Variants in PTPN23 observed in about 807,000 individuals in gnomAD.
PTPN23 encodes protein tyrosine phosphatase non-receptor type 23, also known as tyrosine-protein phosphatase non-receptor type 23.
PTPN23 carries 72 observed loss-of-function variants against 156.3 expected under a neutral mutation model. That is an observed-to-expected ratio of 0.46 (90% CI 0.38 to 0.56). The LOEUF is 0.56. PTPN23 is among the 20% of genes least tolerant of loss of function. The pLI is 0.00. For synonymous variants in PTPN23, 957 were observed against 899.6 expected (o/e 1.06, Z -1.14); for missense variants, 1,974 against 2,171.5 (o/e 0.91, Z 1.81).
chr3:47,392,044 C>T (rs987089049), intron 1 of PTPN23, among the ~76,000 whole-genome samples: 9 of 152,154 alleles, frequency 5.9e-5, no homozygotes, highest in African/African-American at 1.7e-4. Flanking sequence ...CACCACCACA[C>T]GTGGCTAATT....
Position 47,411,696 on chromosome 3 carries a change from G to A in PTPN23, c.3888+10G>A. The A allele has an allele frequency of 2.5e-6, 4 of 1,599,806 alleles. No individual in the cohort carries two copies. Among genetic ancestry groups the A allele is most frequent in the Non-Finnish European group, 3.4e-6 (4 of 1,170,242 alleles). On this transcript the variant is annotated intron_variant, in intron 20 of 24. Transcript: ENST00000265562. This position sits in a 1 kb window ranked among gnomAD's most constrained non-coding sequence, Gnocchi z 6.3. Reference sequence around the variant, plus strand: ...GGCTGAGATGGAGAAGGTGAGAAGAGGGGGTGGGTGCCCACGAGGGCAGTG... The same window carrying A: ...GGCTGAGATGGAGAAGGTGAGAAGAAGGGGTGGGTGCCCACGAGGGCAGTG...
Position 47,412,578 on chromosome 3 carries a change from G to A in PTPN23, c.4382G>A (p.Gly1461Asp). The stretch of plus-strand genomic sequence containing the variant: ...GTGGAGCAGGTCCTGCAGCGCCATG[G>A]TGTGCCTCCTCCATGCAAACCCTTG... ...RHVEQVLQRHGVPPPCKPLAS... is the reference protein window; with the variant it reads ...RHVEQVLQRHDVPPPCKPLAS... Residue 1461 changes from glycine to aspartate, a missense_variant, in exon 24 of 25, where the codon GGT (glycine) becomes GAT (aspartate). Physicochemically the swap from Gly to Asp is moderately conservative, Grantham distance 94. Around this residue, in one of 4 missense-constraint regions of PTPN23, gnomAD observed 484 missense variants for 516.0 expected, o/e 0.94. Coordinates refer to ENST00000265562, the MANE Select transcript of PTPN23 (RefSeq NM_015466.4). The A allele has an allele frequency of 6.2e-7, 1 of 1,613,720 alleles. No homozygotes were observed. The highest frequency in any genetic ancestry group is 8.5e-7 in the Non-Finnish European group (1 of 1,179,994).
At chr3:47,401,800 C>T (rs1704999569) in intron 2 of PTPN23, among the ~76,000 whole-genome samples, 1 of 152,184 alleles carries the variant, frequency 6.6e-6, no homozygotes, top group Non-Finnish European at 1.5e-5. Context: ...AGCCTCACTA[C>T]CAGGGAGATT....
intron 2 of PTPN23, among the ~76,000 whole-genome samples, chr3:47,404,345 T>C (rs748729627): frequency 3.3e-5 from 5 of 151,458 alleles, no homozygotes; most frequent in African/African-American, 9.7e-5. Flanking sequence ...GGCAGGAGAA[T>C]TGCTTGAACC....
In PTPN23 at chr3:47,409,784, G is replaced by A. The variant is rs1352095560; in HGVS notation, c.2079G>A (p.Thr693=). 22 of 1,608,230 alleles carry A rather than the reference G, an allele frequency of 1.4e-5. No homozygotes were observed. The highest frequency in any genetic ancestry group is 4.5e-5 in the East Asian group (2 of 44,812). ...AGGTGGCTGCTCTGCTGGAGCGCAC[G>A]CAGTCCACCTGCCAGGCCCGCGAGG... ...ESKVAALLER[T]QSTCQAREAA... The change falls in exon 19 of 25, where the codon ACG becomes ACA. Residue 693 remains threonine (T), a synonymous_variant. Transcript: ENST00000265562.
rs754806864 is a variant in PTPN23 at position 47,405,105 on chromosome 3, C to T, written c.364+24C>T. ...TGGTGAGCTGCCTGATCCCTTCCCCCGGCCCTACTCCCCAGTCCTGCCAGC... is the reference window on the plus strand; with the variant it reads ...TGGTGAGCTGCCTGATCCCTTCCCCTGGCCCTACTCCCCAGTCCTGCCAGC... On this transcript the variant is annotated intron_variant, in intron 4 of 24. Transcript: ENST00000265562. The surrounding 1 kb of genome is among the most constrained non-coding windows in gnomAD (Gnocchi z 4.7). 75 of 1,608,124 alleles carry T rather than the reference C, an allele frequency of 4.7e-5. No homozygotes were observed. The highest frequency in any genetic ancestry group is 1.7e-4 in the Middle Eastern group (1 of 5,972).
Position 47,405,242 on chromosome 3 carries a change from T to C in PTPN23, c.364+161T>C. On this transcript the variant is annotated intron_variant, in intron 4 of 24. Coordinates refer to ENST00000265562, the MANE Select transcript of PTPN23 (RefSeq NM_015466.4). The surrounding 1 kb of genome is among the most constrained non-coding windows in gnomAD (Gnocchi z 4.7). Reference sequence around the variant, plus strand: ...CACAGCCCTGCCAGCTCCTCCACTGTTTTCTGGGCTGGGCCCGTGGGGAGC... The same window carrying C: ...CACAGCCCTGCCAGCTCCTCCACTGCTTTCTGGGCTGGGCCCGTGGGGAGC... 7.3e-6 allele frequency: 5 copies of C among 680,588 alleles called. No individual in the cohort carries two copies. The South Asian group carries it at 8.9e-5, about 12-fold the overall frequency. 42.2% of individuals were successfully genotyped at this position (680,588 alleles called of 1,614,324 possible).
Position 47,407,891 on chromosome 3 carries a change from G to A in PTPN23, c.1120G>A (p.Glu374Lys). The A allele has an allele frequency of 6.2e-7, 1 of 1,614,190 alleles. No homozygotes were observed. Among genetic ancestry groups the A allele is most frequent in the Non-Finnish European group, 8.5e-7 (1 of 1,180,032 alleles). The change falls in exon 14 of 25, where the codon GAG becomes AAG. Residue 374 changes from glutamate to lysine, a missense_variant and splice_region_variant. Around this residue, in one of 4 missense-constraint regions of PTPN23, gnomAD observed 726 missense variants for 929.5 expected, o/e 0.78. Coordinates refer to ENST00000265562, the MANE Select transcript of PTPN23 (RefSeq NM_015466.4). This position sits in a 1 kb window ranked among gnomAD's most constrained non-coding sequence, Gnocchi z 4.0. ...AAHEASSLYS[E>K]EKAKLLREMM... is the part of the protein sequence containing the mutation. The stretch of plus-strand genomic sequence containing the variant: ...GCAAATGCTCTGTCGCTTCTGCAGT[G>A]AGGAGAAGGCCAAGCTGCTCCGGGA...
chr3:47,410,040 C>T lies in PTPN23; in HGVS notation c.2242C>T (p.Leu748Phe), dbSNP rs1330364713. The change falls in exon 20 of 25, where the codon CTC becomes TTC. Residue 748 changes from leucine to phenylalanine, a missense_variant. Leu to Phe is a conservative substitution (Grantham distance 22). Coordinates refer to ENST00000265562, the MANE Select transcript of PTPN23 (RefSeq NM_015466.4). ...AGDPPEELRSLPPDMVAGPRL... is the reference protein window; with the variant it reads ...AGDPPEELRSFPPDMVAGPRL... ...AGACCCCCCTGAGGAGCTGCGCAGC[C>T]TCCCCCCTGACATGGTGGCTGGCCC... The T allele has an allele frequency of 2.5e-6, 4 of 1,611,364 alleles. No individual in the cohort carries two copies. Among genetic ancestry groups the T allele is most frequent in the East Asian group, 2.2e-5 (1 of 44,846 alleles).
Position 47,406,434 on chromosome 3 carries a change from A to T in PTPN23, c.627+29A>T. On this transcript the variant is annotated intron_variant, in intron 7 of 24. Coordinates refer to ENST00000265562, the MANE Select transcript of PTPN23 (RefSeq NM_015466.4). This position sits in a 1 kb window ranked among gnomAD's most constrained non-coding sequence, Gnocchi z 5.8. Reference sequence around the variant, plus strand: ...GGGACGGGGCTGAGGGGAGGCCTTCACTTTACTGCTGACTCCCCCACTCAT... The same window carrying T: ...GGGACGGGGCTGAGGGGAGGCCTTCTCTTTACTGCTGACTCCCCCACTCAT... 1 of 1,613,764 alleles carries T rather than the reference A, an allele frequency of 6.2e-7. No individual in the cohort carries two copies. Among genetic ancestry groups the T allele is most frequent in the Non-Finnish European group, 8.5e-7 (1 of 1,179,962 alleles).
rs531850781 is a variant in PTPN23 at position 47,400,861 on chromosome 3, A to G, written c.160-3791A>G. Among the ~76,000 whole-genome samples, 3 of 152,248 alleles carry G rather than the reference A, an allele frequency of 2.0e-5. No homozygotes were observed. In the South Asian group the frequency reaches 6.2e-4, roughly 32 times the overall value. On this transcript the variant is annotated intron_variant, in intron 2 of 24. Coordinates refer to ENST00000265562, the MANE Select transcript of PTPN23 (RefSeq NM_015466.4). Reference sequence around the variant, plus strand: ...AGTGCTGGGATTATAGGTGTGAGCCACAGCACCCGGCTTTTATTTTATTTT... The same window carrying G: ...AGTGCTGGGATTATAGGTGTGAGCCGCAGCACCCGGCTTTTATTTTATTTT...
rs750754516 is a variant in PTPN23, at chr3:47,410,499, C to T, written c.2701C>T (p.Pro901Ser). ...IPSHTAPRPNPTPAPPPPCFP... is the reference protein window; with the variant it reads ...IPSHTAPRPNSTPAPPPPCFP... ...CAGCCACACAGCCCCACGGCCAAAC[C>T]CCACCCCTGCTCCTCCCCCGCCCTG... is the stretch of plus-strand genomic sequence containing the variant. Residue 901 changes from proline to serine, a missense_variant, in exon 20 of 25, where the codon CCC (proline) becomes TCC (serine). By Grantham distance (74) the Pro-to-Ser change is moderately conservative. Around this residue, in one of 4 missense-constraint regions of PTPN23, gnomAD observed 731 missense variants for 669.1 expected, o/e 1.09. Coordinates refer to ENST00000265562, the MANE Select transcript of PTPN23 (RefSeq NM_015466.4). 4 of 1,606,208 alleles carry T rather than the reference C, an allele frequency of 2.5e-6. No individual in the cohort carries two copies. In the East Asian group the frequency reaches 9.0e-5, roughly 36 times the overall value.
chr3:47,410,175 C>T lies in PTPN23; in HGVS notation c.2377C>T (p.Pro793Ser), dbSNP rs2107721975. ...CCACTATCTCTCAGGCCCCTTGCCC[C>T]CTGGTACCTACTCGGGCCCCACCCA... ...GPHYLSGPLP[P>S]GTYSGPTQLI... The change falls in exon 20 of 25, where the codon CCT becomes TCT. Residue 793 changes from proline (P) to serine (S), a missense_variant. Pro to Ser is a moderately conservative substitution (Grantham distance 74). This residue lies in a region of PTPN23 where 731 missense variants were observed against 669.1 expected (regional missense o/e 1.09). Transcript: ENST00000265562. 1.3e-6 allele frequency: 2 copies of T among 1,599,022 alleles called. No individual in the cohort carries two copies. Among genetic ancestry groups the T allele is most frequent in the Non-Finnish European group, 8.5e-7 (1 of 1,171,940 alleles).
intron 1 of PTPN23, among the ~76,000 whole-genome samples, chr3:47,384,435 G>A (rs1704612950): frequency 8.3e-6 from 1 of 120,766 alleles, no homozygotes; most frequent in Non-Finnish European, 1.6e-5. Flanking sequence ...TCCAGCCTGG[G>A]TGATAGAGCG....
At position 47,408,396 on chromosome 3, in the gene PTPN23, T is replaced by C. The variant is rs1352668951; in HGVS notation, c.1236T>C (p.Asp412=). Reference sequence around the variant, plus strand: ...ATCCCGAGACGGTGGACAACCTTGATGCCTACAGCCACATCCCACCCCAGC... The same window carrying C: ...ATCCCGAGACGGTGGACAACCTTGACGCCTACAGCCACATCCCACCCCAGC... ...QLDPETVDNL[D]AYSHIPPQLM... is the part of the protein sequence containing the mutation. Residue 412 remains aspartate, a synonymous_variant, in exon 15 of 25, where the codon GAT becomes GAC. Coordinates refer to ENST00000265562, the MANE Select transcript of PTPN23 (RefSeq NM_015466.4). 5.6e-6 allele frequency: 9 copies of C among 1,613,974 alleles called. No homozygotes were observed. The highest frequency in any genetic ancestry group is 5.3e-5 in the African/African-American group (4 of 74,904).
chr3:47,390,460 G>A (rs1704750601), intron 1 of PTPN23, among the ~76,000 whole-genome samples: 1 of 152,146 alleles, frequency 6.6e-6, no homozygotes, highest in Admixed American at 6.5e-5. Context: ...TCTTCTTCCT[G>A]TTAGTTGTGT....
chr3:47,407,215 G>C lies in PTPN23; in HGVS notation c.864+29G>C, dbSNP rs1705148194. Reference sequence around the variant, plus strand: ...AAGCTGAGGAAGGCCTGGCTGCCCTGAGGGTATAGGAGCAAGCCCGGTAGG... The same window carrying C: ...AAGCTGAGGAAGGCCTGGCTGCCCTCAGGGTATAGGAGCAAGCCCGGTAGG... On this transcript the variant is annotated intron_variant, in intron 10 of 24. Transcript: ENST00000265562. This position sits in a 1 kb window ranked among gnomAD's most constrained non-coding sequence, Gnocchi z 4.0. The C allele has an allele frequency of 6.2e-7, 1 of 1,613,876 alleles. No homozygotes were observed. Among genetic ancestry groups the C allele is most frequent in the African/African-American group, 1.3e-5 (1 of 74,888 alleles).
rs200553671 is a variant in PTPN23 at position 47,412,863 on chromosome 3, C to T, written c.4589C>T (p.Pro1530Leu). Residue 1530 changes from proline (P) to leucine (L), a missense_variant, in exon 25 of 25, where the codon CCG (proline) becomes CTG (leucine). By Grantham distance (98) the Pro-to-Leu change is moderately conservative. Around this residue, in one of 4 missense-constraint regions of PTPN23, gnomAD observed 484 missense variants for 516.0 expected, o/e 0.94. Transcript: ENST00000265562. ...LPGPAEPPGL[P>L]PASLPESTPI... Reference sequence around the variant, plus strand: ...GGCCCTGCAGAGCCCCCAGGCCTCCCGCCAGCCAGCCTCCCAGAGTCTACC... The same window carrying T: ...GGCCCTGCAGAGCCCCCAGGCCTCCTGCCAGCCAGCCTCCCAGAGTCTACC... 386 of 1,613,322 alleles carry T rather than the reference C, an allele frequency of 2.4e-4. No individual in the cohort carries two copies. The highest frequency in any genetic ancestry group is 4.3e-4 in the Admixed American group (26 of 59,980).
chr3:47,410,663 CCAGCCCCATCCT>C lies in PTPN23; in HGVS notation c.2878_2889del (p.Gln960_Pro963del), dbSNP rs760022693. 2.0e-3 allele frequency: 3,296 copies of C among 1,611,318 alleles called. 5 individuals carry two copies. The highest frequency in any genetic ancestry group is 2.5e-3 in the Non-Finnish European group (2,972 of 1,179,004). On this transcript the variant is annotated inframe_deletion, in exon 20 of 25. Coordinates refer to ENST00000265562, the MANE Select transcript of PTPN23 (RefSeq NM_015466.4). ...CAGCCCCAAGGATTGGGCCCCAGCC[CCAGCCCCATCCT>C]CAGCCCCATCCTTCACAAGCGTTTG... is the stretch of plus-strand genomic sequence containing the variant.
Sources: allele counts gnomAD v4.1 joint callset (sites outside exome capture counted in the v4.1 genomes callset), GRCh38; gene constraint gnomAD v4.1.1; regional missense constraint gnomAD v4.1.1; non-coding constraint Gnocchi (gnomAD v3.1); transcripts MANE v1.5; gene names NCBI Gene and HGNC (gene_info 2026-07-23, HGNC 2026-07-21).